MID1: variants seen among roughly 807,000 people sequenced by gnomAD.
MID1 encodes the protein E3 ubiquitin-protein ligase Midline-1.
A neutral mutation model predicts 40.4 loss-of-function variants in MID1; 7 were observed. That is an observed-to-expected ratio of 0.17 (90% confidence interval 0.10 to 0.33). The LOEUF is 0.33. Among genes scored for constraint, MID1 ranks in the 10% least tolerant of loss-of-function variants. MID1 has a pLI of 1.00. For missense variants in MID1, 367 were observed against 558.5 expected (o/e 0.66, Z 3.46); for synonymous variants, 229 against 221.2 (o/e 1.04, Z -0.31).
At chrX:10,709,421 G>A (rs1376899330) in intron 1 of MID1, among the ~76,000 whole-genome samples, 1 of 112,382 alleles carries the variant, frequency 8.9e-6, no homozygotes, top group Non-Finnish European at 1.9e-5. Flanking sequence ...TTATTATAGA[G>A]TTCCGGGTCT....
intron 1 of MID1, among the ~76,000 whole-genome samples, chrX:10,755,484 C>T (rs1021730454): frequency 9.0e-6 from 1 of 111,399 alleles, no homozygotes; most frequent in Non-Finnish European, 1.9e-5. Flanking sequence ...TGTCATTCCT[C>T]GAGAAGCATA....
chrX:10,476,750 C>T (rs747314832), intron 5 of MID1, among the ~76,000 whole-genome samples: 3 of 111,499 alleles, frequency 2.7e-5, no homozygotes, highest in African/African-American at 9.8e-5. Flanking sequence ...GACCCTTTCA[C>T]CAAGAAGTAG....
chrX:10,683,833 C>T (rs1327048305), intron 1 of MID1, among the ~76,000 whole-genome samples: 3 of 88,483 alleles, frequency 3.4e-5, no homozygotes, highest in African/African-American at 4.6e-5. Flanking sequence ...TACAGTGGCA[C>T]GACGTTGGCT....
chrX:10,694,697 G>A (rs1371802301), intron 1 of MID1, among the ~76,000 whole-genome samples: 4 of 112,147 alleles, frequency 3.6e-5, no homozygotes, highest in Non-Finnish European at 5.6e-5. Flanking sequence ...CTTGAGAGAC[G>A]TTCACTAGTG....
chrX:10,470,526 A>G (rs1929646459), intron 6 of MID1, among the ~76,000 whole-genome samples: 1 of 112,295 alleles, frequency 8.9e-6, no homozygotes, highest in African/African-American at 3.2e-5. Context: ...AGATGTTTCG[A>G]TGACTTACAT....
intron 1 of MID1, among the ~76,000 whole-genome samples, chrX:10,628,582 G>A (rs1474337908): frequency 9.0e-6 from 1 of 111,723 alleles, no homozygotes; most frequent in Non-Finnish European, 1.9e-5. Context: ...GGAAAAAAAA[G>A]ATAATTTTGT....
chrX:10,770,413 C>T (rs2043757866), intron 1 of MID1, among the ~76,000 whole-genome samples: 1 of 112,042 alleles, frequency 8.9e-6, no homozygotes, highest in South Asian at 3.7e-4. Context: ...TGGGAGGGGA[C>T]TGAGGTCATT....
At chrX:10,587,299 A>G (rs1935162188) in intron 1 of MID1, among the ~76,000 whole-genome samples, 1 of 112,857 alleles carries the variant, frequency 8.9e-6, no homozygotes, top group Non-Finnish European at 1.9e-5. Flanking sequence ...AGGATGAACA[A>G]GGGCTGACTG....
At chrX:10,655,189 A>G (rs1185910115) in intron 1 of MID1, among the ~76,000 whole-genome samples, 1 of 111,833 alleles carries the variant, frequency 8.9e-6, no homozygotes, top group Non-Finnish European at 1.9e-5. Context: ...ACCAAGAAAG[A>G]GAAAAAATGG....
At chrX:10,806,700 A>C (rs892926257) in intron 1 of MID1, among the ~76,000 whole-genome samples, 2 of 112,431 alleles carry the variant, frequency 1.8e-5, no homozygotes, top group Non-Finnish European at 3.8e-5. Context: ...CAGGGCACTT[A>C]AGTTTTTCAC....
At chrX:10,612,145 C>T (rs780592465) in intron 1 of MID1, among the ~76,000 whole-genome samples, 2 of 112,140 alleles carry the variant, frequency 1.8e-5, no homozygotes, top group African/African-American at 6.5e-5. Context: ...CTCTTCCAGA[C>T]TGAGAAGCAT....
chrX:10,567,293 C>T lies in MID1; in HGVS notation c.255G>A (p.Arg85=). 8.3e-7 allele frequency: 1 copy of T among 1,199,534 alleles called. No homozygotes were observed. The highest frequency in any genetic ancestry group is 1.1e-6 in the Non-Finnish European group (1 of 888,228). ...GCCCGCTCACTGATGCTTTCTGGAA[C>T]CTGTCGATGATGTTCTGTAGGGTGA... ...RNVTLQNIID[R]FQKASVSGPN... is the part of the protein sequence containing the mutation. Residue 85 remains arginine, a synonymous_variant, in exon 2 of 10, where the codon AGG becomes AGA. Coordinates refer to ENST00000317552, the MANE Select transcript of MID1 (RefSeq NM_000381.4).
intron 1 of MID1, among the ~76,000 whole-genome samples, chrX:10,659,602 T>C (rs183952568): frequency 8.9e-6 from 1 of 112,066 alleles, no homozygotes; most frequent in East Asian, 2.8e-4. Flanking sequence ...TTTTCTTCTC[T>C]TCTATGCTGT....
intron 1 of MID1, among the ~76,000 whole-genome samples, chrX:10,728,893 T>C (rs192543196): frequency 8.9e-6 from 1 of 112,007 alleles, no homozygotes; most frequent in East Asian, 2.8e-4. Flanking sequence ...CCTTCTCCCT[T>C]CTAATATCAC....
At chrX:10,617,176 C>T (rs967655530) in intron 1 of MID1, among the ~76,000 whole-genome samples, 1 of 112,210 alleles carries the variant, frequency 8.9e-6, no homozygotes, top group African/African-American at 3.2e-5. Flanking sequence ...TATTCATCCC[C>T]AGACTTGCCC....
rs148193346 is a variant in MID1, at chrX:10,505,458, A to G, written c.757-9767T>C. ...CCTCCCTTCCTTTCTCTTATTAATT[A>G]CACACTTTATAAAACAAATGCTTCA... On this transcript the variant is annotated intron_variant, in intron 3 of 9. Coordinates refer to ENST00000317552, the MANE Select transcript of MID1 (RefSeq NM_000381.4). The G allele has an allele frequency of 5.6e-4, 423 of 752,731 alleles. 1 individual carries two copies. In the African/African-American group the frequency reaches 8.4e-3, roughly 15 times the overall value. 62.0% of individuals were successfully genotyped at this position (752,731 alleles called of 1,213,427 possible).
chrX:10,795,395 G>A (rs1382095383), intron 1 of MID1, among the ~76,000 whole-genome samples: 1 of 112,529 alleles, frequency 8.9e-6, no homozygotes, highest in Non-Finnish European at 1.9e-5. Context: ...TGTTTGAGTG[G>A]TGGATGTTGC....
At chrX:10,536,277 G>C (rs1275723539) in intron 2 of MID1, among the ~76,000 whole-genome samples, 1 of 111,465 alleles carries the variant, frequency 9.0e-6, no homozygotes, top group African/African-American at 3.3e-5. Context: ...CTGCTTCTTT[G>C]ATTGATGGCC....
intron 1 of MID1, among the ~76,000 whole-genome samples, chrX:10,604,137 C>A (rs1935582531): frequency 9.0e-6 from 1 of 110,974 alleles, no homozygotes; most frequent in Admixed American, 9.6e-5. Flanking sequence ...AGATTTTTAA[C>A]CTGTCCAGAT....
Sources: allele counts gnomAD v4.1 joint callset (sites outside exome capture counted in the v4.1 genomes callset), GRCh38; gene constraint gnomAD v4.1.1; transcripts MANE v1.5; gene names NCBI Gene and HGNC (gene_info 2026-07-23, HGNC 2026-07-21).